The following CELF2 variants were observed in gnomAD, a reference collection of about 807,000 sequenced individuals.
CELF2 encodes the protein CUGBP Elav-like family member 2.
A neutral mutation model predicts 62.6 loss-of-function variants in CELF2; 8 were observed. That is an observed-to-expected ratio of 0.13 (90% CI 0.07 to 0.23). The LOEUF (loss-of-function observed/expected upper bound fraction) is 0.23, where lower values mean the gene tolerates loss of function less well. Ranked by LOEUF, CELF2 falls within the 10% of genes least tolerant of loss-of-function variation. CELF2 has a pLI of 1.00. For synonymous variants in CELF2, 258 were observed against 250.0 expected (o/e 1.03, Z -0.30); for missense variants, 333 against 671.0 (o/e 0.50, Z 5.56).
intron 2 of CELF2, among the ~76,000 whole-genome samples, chr10:11,192,895 C>T (rs1158745851): frequency 6.6e-6 from 1 of 152,118 alleles, no homozygotes; most frequent in African/African-American, 2.4e-5. Flanking sequence ...AACGTGCAGC[C>T]AAGGTTGAGA....
chr10:10,767,927 C>CGGA, the CELF2 span, among the ~76,000 whole-genome samples: 1 of 117,360 alleles, frequency 8.5e-6, no homozygotes, highest in East Asian at 3.5e-4. Flanking sequence ...ACCCGGGAGG[C>CGGA]GGAGCTTGCA....
the CELF2 span, among the ~76,000 whole-genome samples, chr10:10,506,575 A>G: frequency 2.0e-5 from 3 of 151,856 alleles, no homozygotes; most frequent in African/African-American, 7.3e-5. Context: ...ACTTGTAGGA[A>G]TATAAACTTG....
chr10:10,767,263 C>T, the CELF2 span, among the ~76,000 whole-genome samples: 1 of 151,910 alleles, frequency 6.6e-6, no homozygotes, highest in Non-Finnish European at 1.5e-5. Flanking sequence ...TAATTGTGAG[C>T]TCAAGGACGG....
At chr10:10,729,407 C>G in the CELF2 span, among the ~76,000 whole-genome samples, 1 of 152,112 alleles carries the variant, frequency 6.6e-6, no homozygotes, top group East Asian at 1.9e-4. Context: ...TGTTTTTCCT[C>G]GCAACGGCTG....
chr10:11,071,353 T>C (rs1335038012), intron 1 of CELF2, among the ~76,000 whole-genome samples: 4 of 152,162 alleles, frequency 2.6e-5, no homozygotes, highest in Admixed American at 1.3e-4. Context: ...ATGAGGTTGG[T>C]TTCATTACCT....
intron 1 of CELF2, among the ~76,000 whole-genome samples, chr10:11,162,914 A>C (rs539833789): frequency 2.0e-5 from 3 of 152,300 alleles, no homozygotes; most frequent in Admixed American, 2.0e-4. Context: ...TGAAGCCCAG[A>C]GTAGCACATT....
At chr10:10,910,233 A>G (rs1353941285) in intron 1 of CELF2, among the ~76,000 whole-genome samples, 2 of 152,198 alleles carry the variant, frequency 1.3e-5, no homozygotes, top group Admixed American at 1.3e-4. Flanking sequence ...TTTTTCCTTA[A>G]GAAGCCACGT....
At chr10:10,503,967 C>A in the CELF2 span, among the ~76,000 whole-genome samples, 1 of 151,980 alleles carries the variant, frequency 6.6e-6, no homozygotes, top group African/African-American at 2.4e-5. Flanking sequence ...CTGCTGATAT[C>A]ATCATTTTAC....
intron 1 of CELF2, among the ~76,000 whole-genome samples, chr10:11,084,661 C>A (rs1391583223): frequency 6.6e-6 from 1 of 151,760 alleles, no homozygotes; most frequent in Admixed American, 6.6e-5. Context: ...ATGAAAATAC[C>A]ACTTTAAAAA....
the CELF2 span, among the ~76,000 whole-genome samples, chr10:10,737,540 C>T: frequency 2.0e-5 from 3 of 152,056 alleles, no homozygotes; most frequent in Non-Finnish European, 2.9e-5. Context: ...ATGGACAGCA[C>T]GCAAGATGGA....
At chr10:11,299,046 T>C (rs1324282302) in intron 9 of CELF2, among the ~76,000 whole-genome samples, 1 of 152,246 alleles carries the variant, frequency 6.6e-6, no homozygotes, top group Non-Finnish European at 1.5e-5. Context: ...TGCTTTTGTG[T>C]TCTGCTGTTC....
At chr10:10,813,664 T>C (rs770020995) in intron 1 of CELF2, among the ~76,000 whole-genome samples, 5 of 152,374 alleles carry the variant, frequency 3.3e-5, no homozygotes, top group Admixed American at 6.5e-5. Context: ...TGAAAGCACA[T>C]GGTCTCTATT....
chr10:10,570,721 T>G, the CELF2 span, among the ~76,000 whole-genome samples: 7 of 152,084 alleles, frequency 4.6e-5, no homozygotes, highest in Non-Finnish European at 1.0e-4. Context: ...AAGATAGTAC[T>G]GAGAAATTTA....
At chr10:10,473,761 C>G in the CELF2 span, among the ~76,000 whole-genome samples, 1 of 152,084 alleles carries the variant, frequency 6.6e-6, no homozygotes, top group East Asian at 1.9e-4. Flanking sequence ...CTTAATTGTA[C>G]TAAATTATTG....
chr10:11,124,927 G>T (rs2058415108), intron 1 of CELF2, among the ~76,000 whole-genome samples: 1 of 152,130 alleles, frequency 6.6e-6, no homozygotes, highest in Non-Finnish European at 1.5e-5. Context: ...GGATGGGGGA[G>T]AAAAAATGTT....
the CELF2 span, among the ~76,000 whole-genome samples, chr10:10,514,647 A>G: frequency 5.3e-5 from 8 of 152,248 alleles, no homozygotes; most frequent in South Asian, 1.2e-3. Context: ...GGCAAGAAGA[A>G]CGATTTGGTT....
At chr10:10,999,253 A>G (rs1286431105) in intron 2 of CELF2, among the ~76,000 whole-genome samples, 1 of 152,236 alleles carries the variant, frequency 6.6e-6, no homozygotes, top group African/African-American at 2.4e-5. Context: ...CATCCTCCGA[A>G]CAAATGTTTC....
chr10:10,992,825 A>G (rs1031108410), intron 2 of CELF2, among the ~76,000 whole-genome samples: 1 of 152,236 alleles, frequency 6.6e-6, no homozygotes, highest in Non-Finnish European at 1.5e-5. Context: ...TAGGTTAAAC[A>G]GTCTCTGTAA....
At chr10:10,677,372 C>T in the CELF2 span, among the ~76,000 whole-genome samples, 1,469 of 152,290 alleles carry the variant, frequency 9.6e-3, 21 homozygotes, top group African/African-American at 0.032. Flanking sequence ...AAACCAACTG[C>T]CCCTTTTGGA....
Sources: gnomAD v4.1 joint callset for allele counts (sites outside exome capture counted in the v4.1 genomes callset) on GRCh38, gnomAD v4.1.1 for gene constraint, MANE v1.5 for transcripts, NCBI Gene and HGNC (gene_info 2026-07-23, HGNC 2026-07-21) for gene names.